Variants in BCAR3 observed in about 807,000 individuals in gnomAD.
BCAR3 encodes the protein BCAR3 adaptor protein, NSP family member, also known as breast cancer anti-estrogen resistance protein 3.
BCAR3 carries 37 observed loss-of-function variants against 80.1 expected under a neutral mutation model. The ratio of observed to expected loss-of-function variants is 0.46; its 90% confidence interval spans 0.36 to 0.61. The LOEUF is 0.61. BCAR3 is among the 20% of genes least tolerant of loss of function. The pLI is 0.00. For synonymous variants in BCAR3, 389 were observed against 418.9 expected, an observed-to-expected ratio of 0.93 and a Z score of 0.87; for missense variants, 978 against 1,068.2, an observed-to-expected ratio of 0.92 and a Z score of 1.18.
intron 2 of BCAR3, among the ~76,000 whole-genome samples, chr1:93,734,390 C>A (rs895433916): frequency 2.6e-5 from 4 of 152,166 alleles, no homozygotes; most frequent in African/African-American, 9.7e-5. Context: ...TGTGGTTGAA[C>A]CTGAGGCCTG....
intron 2 of BCAR3, among the ~76,000 whole-genome samples, chr1:93,727,471 T>C (rs1650634365): frequency 1.3e-5 from 2 of 152,236 alleles, no homozygotes; most frequent in African/African-American, 4.8e-5. Flanking sequence ...AGCTCGGCAA[T>C]GTATTAAAAA....
chr1:93,834,808 A>C (rs191852510), intron 2 of BCAR3, among the ~76,000 whole-genome samples: 6 of 152,240 alleles, frequency 3.9e-5, no homozygotes, highest in Non-Finnish European at 8.8e-5. Context: ...AGTCTCCCAC[A>C]ATTACCATTG....
Position 93,807,158 on chromosome 1 carries a change from T to C in BCAR3, c.-63+38409A>G, listed in dbSNP as rs529036036. On this transcript the variant is annotated intron_variant, in intron 2 of 13. Coordinates refer to the BCAR3 transcript ENST00000370244. ...TAAAATTTAGAAGAGCATATGTCTT[T>C]GATTGATATGGCCTGTAGGGGTGGA... is the stretch of plus-strand genomic sequence containing the variant. 6.6e-5 allele frequency among the ~76,000 whole-genome samples: 10 copies of C among 152,220 alleles called. 1 individual carries two copies. Among genetic ancestry groups the C allele is most frequent in the African/African-American group, 2.2e-4 (9 of 41,546 alleles).
At chr1:93,743,228 C>T (rs1651241253) in intron 2 of BCAR3, among the ~76,000 whole-genome samples, 2 of 152,118 alleles carry the variant, frequency 1.3e-5, no homozygotes, top group Non-Finnish European at 2.9e-5. Flanking sequence ...AACAATTATG[C>T]TGTGTATTTT....
chr1:93,826,828 G>A (rs1207566694), intron 2 of BCAR3, among the ~76,000 whole-genome samples: 1 of 152,074 alleles, frequency 6.6e-6, no homozygotes, highest in Non-Finnish European at 1.5e-5. Context: ...GTGCATGCAC[G>A]TGTGTGTGTA....
intron 3 of BCAR3, among the ~76,000 whole-genome samples, chr1:93,702,016 G>A (rs1442683691): frequency 1.3e-5 from 2 of 152,174 alleles, no homozygotes; most frequent in African/African-American, 4.8e-5. Flanking sequence ...GGGGTTGGGG[G>A]TGGACACAGT....
intron 2 of BCAR3, 40 bp from the exon 3 acceptor site, chr1:93,642,383 G>C (rs753747382): frequency 9.0e-6 from 14 of 1,557,266 alleles, no homozygotes; most frequent in Middle Eastern, 1.7e-4. Context: ...GGTTGGGAAC[G>C]ATGCATTCTT....
In BCAR3 at chr1:93,582,420, T is replaced by C; in HGVS notation, c.1567A>G (p.Lys523Glu). The change falls in exon 7 of 12, where the codon AAG (lysine) becomes GAG (glutamate). Residue 523 changes from lysine (K) to glutamate (E), a missense_variant. Physicochemically the swap from Lys to Glu is moderately conservative, Grantham distance 56. Coordinates refer to ENST00000260502, the MANE Select transcript of BCAR3 (RefSeq NM_003567.4). The part of the protein sequence containing the change: ...SSFRPNEFES[K>E]FLPPENKPLE... Reference sequence around the variant, plus strand: ...GGCTTATTCTCAGGGGGAAGGAACTTTGACTCAAACTCGTTGGGCCTGAAG... The same window carrying C: ...GGCTTATTCTCAGGGGGAAGGAACTCTGACTCAAACTCGTTGGGCCTGAAG... The C allele has an allele frequency of 6.2e-7, 1 of 1,614,176 alleles. No individual in the cohort carries two copies. Among genetic ancestry groups the C allele is most frequent in the South Asian group, 1.1e-5 (1 of 91,080 alleles).
intron 3 of BCAR3, among the ~76,000 whole-genome samples, chr1:93,622,800 G>C (rs1386039945): frequency 6.6e-6 from 1 of 152,184 alleles, no homozygotes; most frequent in Non-Finnish European, 1.5e-5. Flanking sequence ...GTCAATATTT[G>C]CCCTTCCTGG....
chr1:93,788,660 G>T (rs1280879849), intron 2 of BCAR3, among the ~76,000 whole-genome samples: 2 of 152,200 alleles, frequency 1.3e-5, no homozygotes, highest in Admixed American at 6.5e-5. Context: ...GGCTTGTAAG[G>T]TTTCTGCTGA....
At chr1:93,631,503 C>T (rs1398082158) in intron 3 of BCAR3, among the ~76,000 whole-genome samples, 3 of 152,114 alleles carry the variant, frequency 2.0e-5, no homozygotes, top group Non-Finnish European at 4.4e-5. Context: ...CTAGGGAAAG[C>T]CAGGGTGGCA....
chr1:93,681,410 C>T (rs2101955861), intron 1 of BCAR3, 188 bp downstream of exon 1: 1 of 152,368 alleles, frequency 6.6e-6, no homozygotes, highest in South Asian at 2.1e-4. Context: ...CCACTTCAGT[C>T]ACCCCCGCCC....
intron 2 of BCAR3, among the ~76,000 whole-genome samples, chr1:93,771,416 G>C (rs547627847): frequency 1.3e-5 from 2 of 152,332 alleles, no homozygotes; most frequent in East Asian, 3.9e-4. Flanking sequence ...ATCTGCTTTA[G>C]TGCCTAGGAA....
chr1:93,806,179 G>A (rs1425973413), intron 2 of BCAR3, among the ~76,000 whole-genome samples: 8 of 152,132 alleles, frequency 5.3e-5, no homozygotes, highest in African/African-American at 2.4e-5. Flanking sequence ...GCCTTCTACC[G>A]ACTCTGAAAT....
chr1:93,688,024 A>T (rs1649035789), intron 3 of BCAR3, among the ~76,000 whole-genome samples: 1 of 152,328 alleles, frequency 6.6e-6, no homozygotes, highest in Admixed American at 6.5e-5. Flanking sequence ...ACTGATATGG[A>T]CCAGAAAGGC....
intron 3 of BCAR3, among the ~76,000 whole-genome samples, chr1:93,602,786 C>A (rs1674663931): frequency 6.6e-6 from 1 of 152,168 alleles, no homozygotes; most frequent in Non-Finnish European, 1.5e-5. Context: ...TAAACCCTGC[C>A]CGAAGCTGAA....
intron 2 of BCAR3, among the ~76,000 whole-genome samples, chr1:93,831,998 C>T (rs1654584249): frequency 6.6e-6 from 1 of 152,144 alleles, no homozygotes; most frequent in African/African-American, 2.4e-5. Flanking sequence ...CTGGCAACAA[C>T]CCTTAGATGC....
chr1:93,624,142 A>T (rs1426042471), intron 3 of BCAR3, among the ~76,000 whole-genome samples: 1 of 152,206 alleles, frequency 6.6e-6, no homozygotes, highest in East Asian at 1.9e-4. Flanking sequence ...GCCAGGGGAA[A>T]GCACAAACAA....
intron 2 of BCAR3, among the ~76,000 whole-genome samples, chr1:93,783,426 C>G (rs781559736): frequency 6.6e-6 from 1 of 152,124 alleles, no homozygotes; most frequent in Non-Finnish European, 1.5e-5. Flanking sequence ...GCCCTAGGCT[C>G]ATGTGCAAAG....
Sources: gnomAD v4.1 joint callset for allele counts (sites outside exome capture counted in the v4.1 genomes callset) on GRCh38, gnomAD v4.1.1 for gene constraint, MANE v1.5 for transcripts, NCBI Gene and HGNC (gene_info 2026-07-23, HGNC 2026-07-21) for gene names.